Variants in PPP2R1B observed in about 807,000 individuals in gnomAD.
PPP2R1B encodes protein phosphatase 2 scaffold subunit Abeta.
Under a neutral mutation model 72.7 loss-of-function variants are expected in PPP2R1B, and 58 were observed. The observed-to-expected ratio is 0.80, with a 90% CI of 0.65 to 0.99. PPP2R1B has a LOEUF of 0.99. PPP2R1B is among the 50% of genes least tolerant of loss of function. PPP2R1B has a pLI of 0.00. For synonymous variants in PPP2R1B, 256 were observed against 264.6 expected (o/e 0.97, Z 0.32); for missense variants, 695 against 733.6 (o/e 0.95, Z 0.61).
chr11:111,737,980 C>A lies in PPP2R1B; in HGVS notation c.*3616G>T, dbSNP rs1045416159. ...ACTCTATTCGTCCTCCGGAAGATTTCCATCCCAACTGAACGTTATGTAATT... is the reference window on the plus strand; with the variant it reads ...ACTCTATTCGTCCTCCGGAAGATTTACATCCCAACTGAACGTTATGTAATT... On this transcript the variant is annotated 3_prime_UTR_variant, in exon 15 of 15. Coordinates refer to ENST00000527614, the MANE Select transcript of PPP2R1B (RefSeq NM_002716.5). The A allele has an allele frequency of 9.8e-6, 10 of 1,017,486 alleles. No homozygotes were observed. The African/African-American group carries it at 1.7e-4, about 17-fold the overall frequency. The allele number at this position is 1,017,486 out of a possible 1,614,324, so 63.0% of individuals were successfully genotyped here. A position where few individuals can be genotyped will look rare whatever the true frequency, so the allele number is the denominator to read the frequency against.
intron 13 of PPP2R1B, 118 bp downstream of exon 13, chr11:111,742,405 C>T: frequency 1.7e-6 from 2 of 1,201,940 alleles, no homozygotes; most frequent in South Asian, 1.7e-5. Context: ...TTTCTTTAAG[C>T]AAACCCAGAT....
chr11:111,720,363 G>A, the PPP2R1B span: 1 of 1,117,678 alleles, frequency 8.9e-7, no homozygotes, highest in Non-Finnish European at 1.3e-6. Flanking sequence ...AAGATGTTTT[G>A]ATTGGAAATT....
chr11:111,761,967 A>G (rs1945345422), intron 3 of PPP2R1B, among the ~76,000 whole-genome samples: 2 of 152,226 alleles, frequency 1.3e-5, no homozygotes. Flanking sequence ...TCTCAAAAAA[A>G]AAAGGTAAAG....
Position 111,766,126 on chromosome 11 carries a change from GT to G in PPP2R1B, c.114+121del, listed in dbSNP as rs1945528022. ...GGAGCATTCCCCGCCTCCCCTTCAA[GT>G]TTCTGCTACGAGTCCGACTCATTCA... is the stretch of plus-strand genomic sequence containing the variant. On this transcript the variant is annotated intron_variant, in intron 1 of 14. Transcript: ENST00000527614. The G allele has an allele frequency of 1.3e-5, 12 of 913,858 alleles. No individual in the cohort carries two copies. In the Middle Eastern group the frequency reaches 7.3e-4, roughly 56 times the overall value. The allele number at this position is 913,858 out of a possible 1,614,324, so 56.6% of individuals were successfully genotyped here.
At chr11:111,726,277 C>T (rs949292683), downstream of PPP2R1B, 2 of 152,174 alleles carry the variant, frequency 1.3e-5, no homozygotes, top group African/African-American at 4.8e-5. Flanking sequence ...AACTCCTGCC[C>T]CCCAACAATG....
At chr11:111,752,008 A>G (rs1944924659) in intron 10 of PPP2R1B, 151 bp downstream of exon 10, 2 of 853,568 alleles carry the variant, frequency 2.3e-6, no homozygotes, top group African/African-American at 1.7e-5. Flanking sequence ...ACTAACAAAC[A>G]TAAAAACCAT....
the PPP2R1B span, among the ~76,000 whole-genome samples, chr11:111,704,078 G>C: frequency 1.3e-5 from 2 of 152,208 alleles, no homozygotes; most frequent in African/African-American, 4.8e-5. Context: ...ATGCCGCCTT[G>C]TTTGCTGTGA....
chr11:111,708,224 A>G, the PPP2R1B span, among the ~76,000 whole-genome samples: 6 of 152,032 alleles, frequency 3.9e-5, no homozygotes, highest in Non-Finnish European at 7.4e-5. Context: ...TCTACTAAAA[A>G]CAAAAAAATT....
At chr11:111,733,423 T>G (rs1227100589), downstream of PPP2R1B, among the ~76,000 whole-genome samples, 3 of 151,774 alleles carry the variant, frequency 2.0e-5, no homozygotes, top group African/African-American at 4.8e-5. Context: ...GCTCAGAAAA[T>G]GTGGGCCCAG....
intron 5 of PPP2R1B, 114 bp from the exon 6 acceptor site, chr11:111,755,564 A>T: frequency 2.2e-6 from 2 of 896,254 alleles, no homozygotes; most frequent in Non-Finnish European, 1.6e-6. Context: ...CACACCTTAT[A>T]TAGTTTCACG....
At chr11:111,745,645 T>C (rs1408590831) in intron 11 of PPP2R1B, among the ~76,000 whole-genome samples, 1 of 152,214 alleles carries the variant, frequency 6.6e-6, no homozygotes, top group Non-Finnish European at 1.5e-5. Context: ...CAAGGTTTCT[T>C]TGAATGTCTA....
rs1944462277 is a variant in PPP2R1B at position 111,739,897 on chromosome 11, A to G, written c.*1699T>C. The G allele has an allele frequency of 1.0e-6, 1 of 981,432 alleles. No individual in the cohort carries two copies. Among genetic ancestry groups the G allele is most frequent in the South Asian group, 4.7e-5 (1 of 21,152 alleles). The allele number at this position is 981,432 out of a possible 1,614,324, so 60.8% of individuals were successfully genotyped here. On this transcript the variant is annotated 3_prime_UTR_variant, in exon 15 of 15. Transcript: ENST00000527614. ...AAGTCATAAAATAGAAACTTACTAT[A>G]AGGTAATTTGGCAGTTTAAAATGCA...
At chr11:111,709,687 C>T in the PPP2R1B span, among the ~76,000 whole-genome samples, 3 of 152,256 alleles carry the variant, frequency 2.0e-5, no homozygotes, top group Non-Finnish European at 4.4e-5. Flanking sequence ...TATATTTATA[C>T]CCTCTCTTGT....
the PPP2R1B span, among the ~76,000 whole-genome samples, chr11:111,710,034 T>A: frequency 6.6e-6 from 1 of 152,216 alleles, no homozygotes; most frequent in Non-Finnish European, 1.5e-5. Context: ...CAGACTACCT[T>A]CATAGAGAAG....
At chr11:111,695,078 G>T in the PPP2R1B span, among the ~76,000 whole-genome samples, 4 of 152,164 alleles carry the variant, frequency 2.6e-5, no homozygotes, top group African/African-American at 9.7e-5. Context: ...CATTCAGTTT[G>T]TGCAATGGGT....
chr11:111,726,480 C>G (rs1943971092), downstream of PPP2R1B: 1 of 156,508 alleles, frequency 6.4e-6, no homozygotes, highest in Admixed American at 6.1e-5. Context: ...CAGAGCGTGA[C>G]CCCTCCTGCT....
the PPP2R1B span, among the ~76,000 whole-genome samples, chr11:111,692,383 A>AAAAAAAAAAAG: frequency 7.4e-6 from 1 of 134,844 alleles, no homozygotes; most frequent in Non-Finnish European, 1.6e-5. Flanking sequence ...AAAAAAAAAA[A>AAAAAAAAAAAG]AAAAACACAA....
the PPP2R1B span, among the ~76,000 whole-genome samples, chr11:111,716,797 T>A: frequency 6.6e-6 from 1 of 151,876 alleles, no homozygotes. Flanking sequence ...TCAGTAAAAA[T>A]ATTAAGGATA....
chr11:111,742,536 T>C lies in PPP2R1B; in HGVS notation c.1684A>G (p.Ile562Val), dbSNP rs779758041. The C allele has an allele frequency of 1.4e-5, 22 of 1,613,316 alleles. No individual in the cohort carries two copies. The South Asian group carries it at 2.0e-4, about 15-fold the overall frequency. The change falls in exon 13 of 15, where the codon ATT becomes GTT. Residue 562 changes from isoleucine to valine, a missense_variant. Ile to Val is a conservative substitution (Grantham distance 29). Transcript: ENST00000527614. ...CTAAAATCTTACTTGGTATCTAGAA[T>C]TGGTCCAATCTTTTGTAGAGATTTG... is the stretch of plus-strand genomic sequence containing the variant. ...VAKSLQKIGP[I>V]LDTNALQGEV...
Sources: gnomAD v4.1 joint callset for allele counts (sites outside exome capture counted in the v4.1 genomes callset) on GRCh38, gnomAD v4.1.1 for gene constraint, MANE v1.5 for transcripts, NCBI Gene and HGNC (gene_info 2026-07-23, HGNC 2026-07-21) for gene names.